The following TFCP2 variants were observed in gnomAD, a reference collection of about 807,000 sequenced individuals.
TFCP2 encodes the protein alpha-globin transcription factor CP2.
A neutral mutation model predicts 73.4 loss-of-function variants in TFCP2; 33 were observed. The observed-to-expected ratio is 0.45, with a 90% CI of 0.34 to 0.60. TFCP2 has a LOEUF of 0.60. TFCP2 is among the 20% of genes least tolerant of loss of function. The probability of loss-of-function intolerance (pLI) is 0.01; values close to 1 mark genes in which losing one functional copy is unlikely to be tolerated. For missense variants in TFCP2, 352 were observed against 604.0 expected (o/e 0.58, Z 4.37); for synonymous variants, 193 against 211.6 (o/e 0.91, Z 0.76).
Position 51,172,286 on chromosome 12 carries a change from G to GA in TFCP2, c.122+14dup, listed in dbSNP as rs2137057474. 7 of 1,613,680 alleles carry GA rather than the reference G, an allele frequency of 4.3e-6. No individual in the cohort carries two copies. The highest frequency in any genetic ancestry group is 2.2e-5 in the East Asian group (1 of 44,858). ...GTTATTCAGAAGGTGTAGGGTCTGG[G>GA]AAAATCTCACTCACCTCATGCTATA... On this transcript the variant is annotated intron_variant, in intron 1 of 14. Coordinates refer to ENST00000257915, the MANE Select transcript of TFCP2 (RefSeq NM_005653.5).
At chr12:51,124,345 A>G (rs1015460207) in intron 1 of TFCP2, among the ~76,000 whole-genome samples, 8 of 152,040 alleles carry the variant, frequency 5.3e-5, no homozygotes, top group African/African-American at 1.7e-4. Context: ...CTTCTCTCTT[A>G]GCCTCCCAAA....
chr12:51,162,792 C>G (rs1005567891), intron 1 of TFCP2: 3 of 152,134 alleles, frequency 2.0e-5, no homozygotes, highest in Non-Finnish European at 4.4e-5. Flanking sequence ...TTTACTACAT[C>G]CCATGAGTTT....
chr12:51,095,564 C>T (rs1464838908), intron 14 of TFCP2, among the ~76,000 whole-genome samples: 1 of 152,072 alleles, frequency 6.6e-6, no homozygotes, highest in Non-Finnish European at 1.5e-5. Context: ...TCTGTAATCC[C>T]AGCACTTTGG....
intron 1 of TFCP2, among the ~76,000 whole-genome samples, chr12:51,165,785 CACACACAT>C (rs1040477820): frequency 2.0e-5 from 3 of 152,132 alleles, no homozygotes; most frequent in African/African-American, 7.2e-5. Context: ...CCACAATAAA[CACACACAT>C]ACACACATAT....
chr12:51,117,470 A>G (rs1437858291), intron 3 of TFCP2, among the ~76,000 whole-genome samples: 2 of 152,214 alleles, frequency 1.3e-5, no homozygotes, highest in East Asian at 1.9e-4. Context: ...TGCAGCTCTG[A>G]AAAATTCATG....
At chr12:51,168,595 C>T (rs1941798660) in intron 1 of TFCP2, among the ~76,000 whole-genome samples, 1 of 152,030 alleles carries the variant, frequency 6.6e-6, no homozygotes, top group East Asian at 1.9e-4. Flanking sequence ...AACGATCCTC[C>T]CATCTCAGCC....
At chr12:51,143,318 C>T (rs539154674) in intron 1 of TFCP2, among the ~76,000 whole-genome samples, 1 of 150,606 alleles carries the variant, frequency 6.6e-6, no homozygotes, top group South Asian at 2.1e-4. Context: ...CTAGCCTATC[C>T]CCCTTTCTCA....
At chr12:51,127,495 T>C (rs917166188) in intron 1 of TFCP2, among the ~76,000 whole-genome samples, 6 of 152,208 alleles carry the variant, frequency 3.9e-5, no homozygotes, top group Admixed American at 2.6e-4. Context: ...TGCACTGATG[T>C]GTCATCAAGA....
chr12:51,155,311 C>T (rs1438477504), intron 1 of TFCP2, among the ~76,000 whole-genome samples: 1 of 152,198 alleles, frequency 6.6e-6, no homozygotes, highest in Non-Finnish European at 1.5e-5. Flanking sequence ...TGGCCTATCA[C>T]AGCCTTCTTA....
intron 1 of TFCP2, among the ~76,000 whole-genome samples, chr12:51,171,822 A>G (rs142795271): frequency 1.3e-5 from 2 of 152,368 alleles, no homozygotes; most frequent in East Asian, 3.9e-4. Context: ...TCTTAAAGCA[A>G]GCTAGTGGTA....
At chr12:51,100,751 C>T (rs1940091275) in intron 11 of TFCP2, among the ~76,000 whole-genome samples, 1 of 152,106 alleles carries the variant, frequency 6.6e-6, no homozygotes, top group Non-Finnish European at 1.5e-5. Flanking sequence ...GAAATCGAGG[C>T]TGCAGTGAGC....
At chr12:51,102,305 TG>T (rs1441729959) in intron 10 of TFCP2, among the ~76,000 whole-genome samples, 2 of 152,104 alleles carry the variant, frequency 1.3e-5, no homozygotes, top group Non-Finnish European at 2.9e-5. Context: ...CTATCTAAGC[TG>T]GGCACAACAT....
chr12:51,156,520 C>T lies in TFCP2; in HGVS notation c.122+15781G>A, dbSNP rs556296075. 1.1e-3 allele frequency among the ~76,000 whole-genome samples: 169 copies of T among 152,262 alleles called. 3 individuals carry two copies. The Middle Eastern group carries it at 0.027, about 25-fold the overall frequency. On this transcript the variant is annotated intron_variant, in intron 1 of 14. Transcript: ENST00000257915. The stretch of plus-strand genomic sequence containing the variant: ...ACACTGCAGATCAAATCTCAACTTG[C>T]GATTTGGAGGGACACATATCCAAAC...
At chr12:51,113,667 A>C (rs540115036) in intron 4 of TFCP2, among the ~76,000 whole-genome samples, 1 of 152,360 alleles carries the variant, frequency 6.6e-6, no homozygotes, top group East Asian at 1.9e-4. Flanking sequence ...ATAAAGCTAC[A>C]CTTAGCAAAA....
At chr12:51,108,013 A>G (rs1940296443) in intron 6 of TFCP2, among the ~76,000 whole-genome samples, 1 of 151,024 alleles carries the variant, frequency 6.6e-6, no homozygotes, top group Non-Finnish European at 1.5e-5. Context: ...AGCTGGGCGC[A>G]GTGGCTCATG....
rs1356428229 is a variant in TFCP2, at chr12:51,157,683, TTTC to T, written c.122+14615_122+14617del. On this transcript the variant is annotated intron_variant, in intron 1 of 14. Transcript: ENST00000257915. Reference sequence around the variant, plus strand: ...CAGTAATTTGAGTTTTTTCTTTTCTTTTCTTTTTTTTTTTTTTTTTTGAGACAG... The same window carrying T: ...CAGTAATTTGAGTTTTTTCTTTTCTTTTTTTTTTTTTTTTTTTTGAGACAG... Among the ~76,000 whole-genome samples, 25 of 91,050 alleles carry T rather than the reference TTTC, an allele frequency of 2.7e-4. No individual in the cohort carries two copies. In the East Asian group the frequency reaches 2.8e-3, roughly 10 times the overall value. The allele number at this position is 91,050 out of a possible 152,430, so 59.7% of individuals were successfully genotyped here.
rs1199410724 is a variant in TFCP2 at position 51,095,133 on chromosome 12, C to G, written c.*108G>C. ...CTGGACTCCTCCACACACAGTCAGA[C>G]GAGTCAGGTTCTTGCAGACCTTCAA... On this transcript the variant is annotated 3_prime_UTR_variant, in exon 15 of 15. Coordinates refer to ENST00000257915, the MANE Select transcript of TFCP2 (RefSeq NM_005653.5). 3 of 1,242,892 alleles carry G rather than the reference C, an allele frequency of 2.4e-6. No individual in the cohort carries two copies. Among genetic ancestry groups the G allele is most frequent in the Non-Finnish European group, 3.6e-6 (3 of 843,620 alleles). The allele number at this position is 1,242,892 out of a possible 1,614,324, so 77.0% of individuals were successfully genotyped here.
At chr12:51,162,198 C>A (rs1941664100) in intron 1 of TFCP2, among the ~76,000 whole-genome samples, 1 of 152,040 alleles carries the variant, frequency 6.6e-6, no homozygotes, top group South Asian at 2.1e-4. Flanking sequence ...GTAATCCCAG[C>A]ACTTTGGGAG....
chr12:51,151,011 G>C lies in TFCP2; in HGVS notation c.122+21290C>G, dbSNP rs187525568. 1.2e-4 allele frequency among the ~76,000 whole-genome samples: 18 copies of C among 152,236 alleles called. No homozygotes were observed. In the East Asian group the frequency reaches 3.1e-3, roughly 26 times the overall value. On this transcript the variant is annotated intron_variant, in intron 1 of 14. Transcript: ENST00000257915. ...AAGAAAGCAAGGAGTGCTGGTGAGGGGGAGGAGGCTCTTGCTATTTTACGT... is the reference window on the plus strand; with the variant it reads ...AAGAAAGCAAGGAGTGCTGGTGAGGCGGAGGAGGCTCTTGCTATTTTACGT...
Sources: gnomAD v4.1 joint callset for allele counts (sites outside exome capture counted in the v4.1 genomes callset) on GRCh38, gnomAD v4.1.1 for gene constraint, MANE v1.5 for transcripts, NCBI Gene and HGNC (gene_info 2026-07-23, HGNC 2026-07-21) for gene names.